The following C10orf90 variants were observed in gnomAD, a reference collection of about 807,000 sequenced individuals.
C10orf90 encodes the protein (E2-independent) E3 ubiquitin-conjugating enzyme FATS.
Under a neutral mutation model 62.5 loss-of-function variants are expected in C10orf90, and 56 were observed. That is an observed-to-expected ratio of 0.90 (90% CI 0.72 to 1.12). The LOEUF (loss-of-function observed/expected upper bound fraction) is 1.12. Ranked by LOEUF, C10orf90 falls within the 50% of genes most tolerant of loss-of-function variation. The pLI is 0.00. For synonymous variants in C10orf90, 386 were observed against 340.4 expected, an observed-to-expected ratio of 1.13 and a Z score of -1.47; for missense variants, 970 against 880.4, an observed-to-expected ratio of 1.10 and a Z score of -1.29.
chr10:126,654,137 G>T (rs1164783353), intron 1 of C10orf90, among the ~76,000 whole-genome samples: 2 of 152,150 alleles, frequency 1.3e-5, no homozygotes, highest in African/African-American at 4.8e-5. Flanking sequence ...AATGGGAAAT[G>T]AGCATTGGTT....
chr10:126,663,179 G>C (rs1053005327), intron 1 of C10orf90, among the ~76,000 whole-genome samples: 1 of 152,132 alleles, frequency 6.6e-6, no homozygotes, highest in Non-Finnish European at 1.5e-5. Flanking sequence ...AGAAAGCTGC[G>C]GAGGGACAAA....
intron 4 of C10orf90, among the ~76,000 whole-genome samples, chr10:126,469,111 T>C (rs1292001869): frequency 6.6e-6 from 1 of 152,016 alleles, no homozygotes; most frequent in African/African-American, 2.4e-5. Flanking sequence ...GTCAGTCACA[T>C]CTCAAAGGAA....
In C10orf90 at chr10:126,595,786, G is replaced by A. The variant is rs542233217; in HGVS notation, c.313+50779C>T. Among the ~76,000 whole-genome samples, 5 of 152,158 alleles carry A rather than the reference G, an allele frequency of 3.3e-5. No homozygotes were observed. In the South Asian group the frequency reaches 1.0e-3, roughly 32 times the overall value. ...TATAGCAGTGGAGGAGCCCTGACTGGGATTGAGGAGCAGCTGGGGTCCACA... is the reference window on the plus strand; with the variant it reads ...TATAGCAGTGGAGGAGCCCTGACTGAGATTGAGGAGCAGCTGGGGTCCACA... On this transcript the variant is annotated intron_variant, in intron 2 of 9. Coordinates refer to ENST00000488181, the MANE Select transcript of C10orf90 (RefSeq NM_001350921.2).
At chr10:126,597,855 G>T (rs1270864375) in intron 2 of C10orf90, among the ~76,000 whole-genome samples, 1 of 152,148 alleles carries the variant, frequency 6.6e-6, no homozygotes, top group African/African-American at 2.4e-5. Context: ...GTCTATGTGT[G>T]TCATCTGAGC....
At chr10:126,600,309 C>A (rs1845174780) in intron 2 of C10orf90, among the ~76,000 whole-genome samples, 1 of 152,198 alleles carries the variant, frequency 6.6e-6, no homozygotes, top group Non-Finnish European at 1.5e-5. Flanking sequence ...TTTGGCCGTC[C>A]CTGGGAGACG....
chr10:126,474,128 C>G (rs1479431244), intron 4 of C10orf90, among the ~76,000 whole-genome samples: 1 of 152,162 alleles, frequency 6.6e-6, no homozygotes. Context: ...GTAACCAGTT[C>G]CCAAGTGGTT....
intron 3 of C10orf90, among the ~76,000 whole-genome samples, chr10:126,510,953 C>T (rs1032777687): frequency 5.9e-5 from 9 of 152,230 alleles, no homozygotes; most frequent in African/African-American, 2.2e-4. Flanking sequence ...CCTCCCATCT[C>T]TACCTTGAAA....
chr10:126,462,152 A>G (rs1161872160), intron 5 of C10orf90, among the ~76,000 whole-genome samples: 1 of 152,182 alleles, frequency 6.6e-6, no homozygotes, highest in East Asian at 1.9e-4. Context: ...AATGGATCCA[A>G]CAGCATCTCA....
At chr10:126,579,923 A>G (rs538093917) in intron 2 of C10orf90, among the ~76,000 whole-genome samples, 32 of 152,280 alleles carry the variant, frequency 2.1e-4, no homozygotes, top group Admixed American at 3.9e-4. Flanking sequence ...CGAAATCATC[A>G]ATCTTTTATA....
intron 2 of C10orf90, among the ~76,000 whole-genome samples, chr10:126,560,916 C>T (rs192401845): frequency 2.6e-5 from 4 of 152,150 alleles, no homozygotes; most frequent in African/African-American, 7.2e-5. Context: ...ATGTAGAAAA[C>T]ATGCTTAGCT....
intron 2 of C10orf90, among the ~76,000 whole-genome samples, chr10:126,632,892 G>A (rs1002009881): frequency 1.1e-4 from 16 of 152,164 alleles, no homozygotes; most frequent in South Asian, 4.1e-4. Context: ...CCCCACAAGC[G>A]GGCCCAGTGA....
chr10:126,478,222 T>C (rs1860997244), intron 4 of C10orf90, among the ~76,000 whole-genome samples: 1 of 152,172 alleles, frequency 6.6e-6, no homozygotes, highest in African/African-American at 2.4e-5. Context: ...TTGGAATCCT[T>C]GAATAAATAA....
intron 2 of C10orf90, among the ~76,000 whole-genome samples, chr10:126,584,441 C>T (rs1591121088): frequency 6.6e-6 from 1 of 152,034 alleles, no homozygotes; most frequent in South Asian, 2.1e-4. Flanking sequence ...TCCATCCATC[C>T]CTCTGTCTAC....
intron 2 of C10orf90, among the ~76,000 whole-genome samples, chr10:126,597,592 A>G (rs1845112767): frequency 6.6e-6 from 1 of 152,228 alleles, no homozygotes. Flanking sequence ...GTAAAAGGAC[A>G]AGAGTAGAAG....
intron 1 of C10orf90, among the ~76,000 whole-genome samples, chr10:126,667,440 T>C (rs1377139195): frequency 6.6e-6 from 1 of 152,176 alleles, no homozygotes; most frequent in Non-Finnish European, 1.5e-5. Flanking sequence ...TCAGGAGGCA[T>C]GGCCAAATAG....
At chr10:126,474,657 T>C (rs1233456561) in intron 4 of C10orf90, among the ~76,000 whole-genome samples, 1 of 152,252 alleles carries the variant, frequency 6.6e-6, no homozygotes, top group African/African-American at 2.4e-5. Context: ...TATTAAATTA[T>C]GATAATGTTG....
intron 7 of C10orf90, among the ~76,000 whole-genome samples, chr10:126,443,644 T>C (rs1165895703): frequency 1.3e-5 from 2 of 152,016 alleles, no homozygotes; most frequent in African/African-American, 2.4e-5. Flanking sequence ...TTCCAGAAGA[T>C]GGAGAAAAAG....
intron 7 of C10orf90, among the ~76,000 whole-genome samples, chr10:126,430,539 G>T (rs1857509965): frequency 6.6e-6 from 1 of 152,202 alleles, no homozygotes; most frequent in Non-Finnish European, 1.5e-5. Flanking sequence ...TCTTGCAAAA[G>T]TTGAAAAGGG....
Position 126,426,116 on chromosome 10 carries a change from G to T in C10orf90, c.2253-26C>A, listed in dbSNP as rs1483904150. On this transcript the variant is annotated intron_variant, in intron 8 of 9. Coordinates refer to ENST00000488181, the MANE Select transcript of C10orf90 (RefSeq NM_001350921.2). Reference sequence around the variant, plus strand: ...CTGAAACAGATTCGGAAAACATTTGGAATGGTAGCTTGACAGCGTGCTCCC... The same window carrying T: ...CTGAAACAGATTCGGAAAACATTTGTAATGGTAGCTTGACAGCGTGCTCCC... 4 of 1,585,158 alleles carry T rather than the reference G, an allele frequency of 2.5e-6. No homozygotes were observed. In the African/African-American group the frequency reaches 5.4e-5, roughly 21 times the overall value.
Sources: gnomAD v4.1 joint callset for allele counts (sites outside exome capture counted in the v4.1 genomes callset) on GRCh38, gnomAD v4.1.1 for gene constraint, MANE v1.5 for transcripts, NCBI Gene and HGNC (gene_info 2026-07-23, HGNC 2026-07-21) for gene names.